Variants in THSD7B observed in about 807,000 individuals in gnomAD.
THSD7B encodes thrombospondin type-1 domain-containing protein 7B.
In THSD7B, 138 loss-of-function variants were observed where a neutral mutation model predicts 213.6. That is an observed-to-expected ratio of 0.65 (90% confidence interval 0.56 to 0.74). The LOEUF (loss-of-function observed/expected upper bound fraction) is 0.74. THSD7B is among the 30% of genes least tolerant of loss of function. The pLI, the probability that THSD7B is intolerant of heterozygous loss-of-function variation, is 0.00. For synonymous variants in THSD7B, 742 were observed against 687.0 expected (o/e 1.08, Z -1.25); for missense variants, 1,931 against 1,991.5 (o/e 0.97, Z 0.58).
At chr2:137,383,635 T>C (rs968475671) in intron 12 of THSD7B, among the ~76,000 whole-genome samples, 1 of 152,198 alleles carries the variant, frequency 6.6e-6, no homozygotes. Context: ...CCACATGAGC[T>C]TGTGCTTGGC....
intron 1 of THSD7B, among the ~76,000 whole-genome samples, chr2:136,780,986 C>T (rs1681731636): frequency 6.6e-6 from 1 of 151,948 alleles, no homozygotes; most frequent in African/African-American, 2.4e-5. Flanking sequence ...TGTGAAGAAG[C>T]ATATAAAGAG....
intron 20 of THSD7B, among the ~76,000 whole-genome samples, chr2:137,640,412 A>T (rs1682918173): frequency 6.6e-6 from 1 of 152,166 alleles, no homozygotes; most frequent in Admixed American, 6.5e-5. Context: ...GCAGCATGAA[A>T]ATGAATTAAT....
chr2:137,106,019 T>C (rs902619921), intron 4 of THSD7B, among the ~76,000 whole-genome samples: 5 of 152,164 alleles, frequency 3.3e-5, no homozygotes, highest in African/African-American at 1.2e-4. Context: ...TACCATTGAC[T>C]TTCTTCACAG....
At chr2:137,300,574 A>G (rs981437657) in intron 12 of THSD7B, among the ~76,000 whole-genome samples, 1 of 152,158 alleles carries the variant, frequency 6.6e-6, no homozygotes, top group East Asian at 1.9e-4. Context: ...TTATTACAAA[A>G]TCTATGTGGA....
intron 15 of THSD7B, among the ~76,000 whole-genome samples, chr2:137,507,402 G>T (rs565544976): frequency 3.9e-5 from 6 of 152,296 alleles, no homozygotes; most frequent in Admixed American, 2.6e-4. Flanking sequence ...TAACTTTGGG[G>T]TTCGGTGATT....
At chr2:137,173,950 T>G (rs115829374) in intron 7 of THSD7B, among the ~76,000 whole-genome samples, 7 of 152,168 alleles carry the variant, frequency 4.6e-5, no homozygotes, top group Admixed American at 2.6e-4. Flanking sequence ...TTTCCTTTTG[T>G]TTTTTTCTTT....
In THSD7B at chr2:137,618,504, G is replaced by A. The variant is rs1407981022; in HGVS notation, c.3678G>A (p.Glu1226=). 1.9e-6 allele frequency: 3 copies of A among 1,613,444 alleles called. No individual in the cohort carries two copies. In the African/African-American group the frequency reaches 4.0e-5, roughly 22 times the overall value. ...AGCCAGTCAGCATGGACCAATGTGAGCAGGTACTGTGTTTATATTCATATC... is the reference window on the plus strand; with the variant it reads ...AGCCAGTCAGCATGGACCAATGTGAACAGGTACTGTGTTTATATTCATATC... The part of the protein sequence containing the change: ...DGKPVSMDQC[E]QHNLEKPQRM... Residue 1226 remains glutamate, a synonymous_variant, in exon 19 of 28, where the codon GAG becomes GAA. Coordinates refer to ENST00000409968, the MANE Select transcript of THSD7B (RefSeq NM_001316349.2).
At position 137,097,445 on chromosome 2, in the gene THSD7B, T is replaced by C. The variant is rs12477580; in HGVS notation, c.1199+2324T>C. Among the ~76,000 whole-genome samples, 3,491 of 152,246 alleles carry C rather than the reference T, an allele frequency of 0.023. 257 individuals carry two copies. In the East Asian group the frequency reaches 0.28, roughly 12 times the overall value. The stretch of plus-strand genomic sequence containing the variant: ...AACATTTTTGAGAGTGAAAGGGATG[T>C]AAATTGGCATTAAGATTCAAGCACA... On this transcript the variant is annotated intron_variant, in intron 4 of 27. Coordinates refer to ENST00000409968, the MANE Select transcript of THSD7B (RefSeq NM_001316349.2).
chr2:137,338,446 C>CA (rs572548538), intron 12 of THSD7B, among the ~76,000 whole-genome samples: 254 of 151,932 alleles, frequency 1.7e-3, no homozygotes, highest in Non-Finnish European at 2.5e-3. Context: ...ATTGCTTGCA[C>CA]AAAAAAGAGA....
chr2:137,586,679 C>T (rs1681736622), intron 17 of THSD7B, among the ~76,000 whole-genome samples: 1 of 152,206 alleles, frequency 6.6e-6, no homozygotes, highest in Non-Finnish European at 1.5e-5. Context: ...TCTCTTCTGG[C>T]TTGTAGAGTT....
chr2:136,981,946 T>C (rs1283706639), intron 2 of THSD7B, among the ~76,000 whole-genome samples: 1 of 152,222 alleles, frequency 6.6e-6, no homozygotes, highest in Non-Finnish European at 1.5e-5. Flanking sequence ...GACAGAGCAC[T>C]TGGGAACCAC....
intron 7 of THSD7B, among the ~76,000 whole-genome samples, chr2:137,223,449 A>C (rs1463160638): frequency 6.6e-6 from 1 of 152,006 alleles, no homozygotes; most frequent in Non-Finnish European, 1.5e-5. Context: ...AACATTGAAA[A>C]CCTGAGATTG....
intron 12 of THSD7B, among the ~76,000 whole-genome samples, chr2:137,309,505 TA>T: frequency 6.6e-6 from 1 of 151,220 alleles, no homozygotes; most frequent in Non-Finnish European, 1.5e-5. Flanking sequence ...TAATTTTATT[TA>T]TTTTTTATTA....
chr2:136,900,288 G>T (rs1454205797), intron 2 of THSD7B, among the ~76,000 whole-genome samples: 1 of 152,162 alleles, frequency 6.6e-6, no homozygotes. Flanking sequence ...ATGTGTGGAT[G>T]TGTGTTTGTT....
chr2:137,212,009 A>G (rs1351351059), intron 7 of THSD7B, among the ~76,000 whole-genome samples: 1 of 152,074 alleles, frequency 6.6e-6, no homozygotes, highest in Non-Finnish European at 1.5e-5. Flanking sequence ...CAAAGGGGGA[A>G]TCCTAATGTG....
At chr2:137,305,676 C>A (rs1683724164) in intron 12 of THSD7B, among the ~76,000 whole-genome samples, 1 of 152,146 alleles carries the variant, frequency 6.6e-6, no homozygotes, top group African/African-American at 2.4e-5. Flanking sequence ...ACCTTCCTTA[C>A]CCCTTTTAAA....
In THSD7B at chr2:137,056,796, C is replaced by T; in HGVS notation, c.516C>T (p.Cys172=). The T allele has an allele frequency of 6.2e-7, 1 of 1,613,932 alleles. No homozygotes were observed. The highest frequency in any genetic ancestry group is 8.5e-7 in the Non-Finnish European group (1 of 1,179,882). The change falls in exon 3 of 28, where the codon TGC becomes TGT. Residue 172 remains cysteine (C), a synonymous_variant. Coordinates refer to ENST00000409968, the MANE Select transcript of THSD7B (RefSeq NM_001316349.2). ...TTCAGCCTCCTACAGAACAGGCTTGCCTCATTCCTTGTCCCCGGGATTGTG... is the reference window on the plus strand; with the variant it reads ...TTCAGCCTCCTACAGAACAGGCTTGTCTCATTCCTTGTCCCCGGGATTGTG... ...FALQPPTEQA[C]LIPCPRDCVV...
chr2:136,902,683 G>A (rs1006259699), intron 2 of THSD7B, among the ~76,000 whole-genome samples: 2 of 152,270 alleles, frequency 1.3e-5, no homozygotes, highest in East Asian at 3.9e-4. Context: ...AAAATAGGAG[G>A]TAAAGTCAAT....
chr2:136,782,220 C>T (rs1558803335), intron 1 of THSD7B, among the ~76,000 whole-genome samples: 1 of 152,018 alleles, frequency 6.6e-6, no homozygotes, highest in African/African-American at 2.4e-5. Flanking sequence ...GCGATGTGTG[C>T]GGAAGTTGTA....
Sources: allele counts gnomAD v4.1 joint callset (sites outside exome capture counted in the v4.1 genomes callset), GRCh38; gene constraint gnomAD v4.1.1; transcripts MANE v1.5; gene names NCBI Gene and HGNC (gene_info 2026-07-23, HGNC 2026-07-21).